PTS: variants seen among roughly 807,000 people sequenced by gnomAD.
PTS encodes 6-pyruvoyl tetrahydrobiopterin synthase.
PTS carries 23 observed loss-of-function variants against 20.6 expected under a neutral mutation model. The ratio of observed to expected loss-of-function variants is 1.12; its 90% CI spans 0.80 to 1.58. The LOEUF is 1.58. Ranked by LOEUF, PTS falls within the 40% of genes most tolerant of loss-of-function variation. PTS has a pLI of 0.00. For synonymous variants in PTS, 65 were observed against 62.5 expected (o/e 1.04, Z -0.19); for missense variants, 186 against 182.4 (o/e 1.02, Z -0.11).
intron 4 of PTS, 43 bp downstream of exon 4, chr11:112,230,725 G>T: frequency 6.6e-7 from 1 of 1,525,890 alleles, no homozygotes; most frequent in Non-Finnish European, 9.1e-7. Context: ...TTCCCTAACT[G>T]TAATATTTGG....
chr11:112,233,751 C>A lies in PTS; in HGVS notation c.*196C>A. 1 of 577,610 alleles carries A rather than the reference C, an allele frequency of 1.7e-6. No individual in the cohort carries two copies. Among genetic ancestry groups the A allele is most frequent in the Non-Finnish European group, 2.6e-6 (1 of 389,064 alleles). 35.8% of individuals were successfully genotyped at this position (577,610 alleles called of 1,614,324 possible). A position where few individuals can be genotyped will look rare whatever the true frequency, so the allele number is the denominator to read the frequency against. Reference sequence around the variant, plus strand: ...TAAAACTAAACTTGTAATATACATCCTGAAAATCATTTAGAGAGTCTTTTA... The same window carrying A: ...TAAAACTAAACTTGTAATATACATCATGAAAATCATTTAGAGAGTCTTTTA... On this transcript the variant is annotated 3_prime_UTR_variant, in exon 6 of 6. Transcript: ENST00000280362.
chr11:112,232,484 G>A (rs1169854913), intron 4 of PTS, among the ~76,000 whole-genome samples: 2 of 151,952 alleles, frequency 1.3e-5, no homozygotes, highest in East Asian at 3.9e-4. Flanking sequence ...TTCAAACTAC[G>A]TCCTATGGAA....
chr11:112,231,847 C>A (rs937955582), intron 4 of PTS, among the ~76,000 whole-genome samples: 2 of 100,972 alleles, frequency 2.0e-5, no homozygotes, highest in Non-Finnish European at 3.7e-5. Flanking sequence ...ATTTATGGGG[C>A]AGGGGTTGGG....
chr11:112,227,703 A>C (rs1859883389), intron 1 of PTS, among the ~76,000 whole-genome samples: 1 of 152,124 alleles, frequency 6.6e-6, no homozygotes, highest in South Asian at 2.1e-4. Context: ...CCCATTGACT[A>C]ATAGAGCGAG....
chr11:112,230,497 A>G (rs1859916410), intron 3 of PTS, 129 bp from the exon 4 acceptor site: 1 of 898,696 alleles, frequency 1.1e-6, no homozygotes, highest in African/African-American at 1.6e-5. Context: ...GTCAATGATT[A>G]TCTCTGGGAT....
At chr11:112,226,713 C>T (rs1859870561) in intron 1 of PTS, among the ~76,000 whole-genome samples, 187 bp downstream of exon 1, 1 of 151,814 alleles carries the variant, frequency 6.6e-6, no homozygotes, top group African/African-American at 2.4e-5. Context: ...GCTGGAGTGT[C>T]CCCAGCCCTG....
Position 112,226,516 on chromosome 11 carries a change from C to G in PTS, c.73C>G (p.Arg25Gly), listed in dbSNP as rs1167104933. 1 of 1,583,174 alleles carries G rather than the reference C, an allele frequency of 6.3e-7. No individual in the cohort carries two copies. Among genetic ancestry groups the G allele is most frequent in the East Asian group, 2.3e-5 (1 of 43,822 alleles). Residue 25 changes from arginine (R) to glycine (G), a missense_variant, in exon 1 of 6, where the codon CGA (arginine) becomes GGA (glycine). Transcript: ENST00000280362. ...SRRISFSASH[R>G]LYSKFLSDEE... ...CCGCATCTCCTTCAGCGCGAGCCAC[C>G]GATTGTACAGGTAGGGTGTGCACAC...
chr11:112,229,797 A>G (rs1320448304), intron 2 of PTS, among the ~76,000 whole-genome samples: 3 of 152,230 alleles, frequency 2.0e-5, no homozygotes, highest in African/African-American at 4.8e-5. Flanking sequence ...AAGGCCCAGT[A>G]GTATTGCTTG....
intron 4 of PTS, among the ~76,000 whole-genome samples, chr11:112,232,675 C>T (rs1001314754): frequency 3.9e-5 from 6 of 152,164 alleles, no homozygotes; most frequent in Admixed American, 2.6e-4. Context: ...AGCCCAAGAT[C>T]ATTCTTAAAT....
chr11:112,229,089 C>T (rs967417852), intron 2 of PTS: 23 of 189,016 alleles, frequency 1.2e-4, no homozygotes, highest in East Asian at 4.4e-4. Flanking sequence ...CAGCAGTGTT[C>T]GAAGAAAGTA....
intron 4 of PTS, among the ~76,000 whole-genome samples, chr11:112,232,510 T>C (rs76216253): frequency 3.3e-5 from 5 of 152,210 alleles, no homozygotes; most frequent in African/African-American, 7.2e-5. Context: ...CATTTTTTTT[T>C]CACAGATGCT....
rs564303854 is a variant in PTS, at chr11:112,230,395, CAA to C, written c.186+167_186+168del. The C allele has an allele frequency of 5.2e-5, 48 of 917,826 alleles. No individual in the cohort carries two copies. In the African/African-American group the frequency reaches 5.8e-4, roughly 11 times the overall value. The allele number at this position is 917,826 out of a possible 1,614,324, so 56.9% of individuals were successfully genotyped here. On this transcript the variant is annotated intron_variant, in intron 3 of 5. Transcript: ENST00000280362. Reference sequence around the variant, plus strand: ...CCGCCATTCCAGGCCTCTCCTCTACCAAAGTGTTGTCTTTAATATGCTGTATG... The same window carrying C: ...CCGCCATTCCAGGCCTCTCCTCTACCAGTGTTGTCTTTAATATGCTGTATG...
In PTS at chr11:112,233,673, G is replaced by A. The variant is rs1274886728; in HGVS notation, c.*118G>A. 3.4e-6 allele frequency: 5 copies of A among 1,462,844 alleles called. No homozygotes were observed. The highest frequency in any genetic ancestry group is 4.6e-6 in the Non-Finnish European group (5 of 1,088,590). The allele number at this position is 1,462,844 out of a possible 1,614,324, so 90.6% of individuals were successfully genotyped here. On this transcript the variant is annotated 3_prime_UTR_variant, in exon 6 of 6. Coordinates refer to ENST00000280362, the MANE Select transcript of PTS (RefSeq NM_000317.3). ...TGTTGTACGTACACATTGTGCTCTGGAGTGCCTATTTATTGAAATCATTGT... is the reference window on the plus strand; with the variant it reads ...TGTTGTACGTACACATTGTGCTCTGAAGTGCCTATTTATTGAAATCATTGT...
Position 112,233,092 on chromosome 11 carries a change from C to G in PTS, c.244-71C>G. On this transcript the variant is annotated intron_variant, in intron 4 of 5. Coordinates refer to ENST00000280362, the MANE Select transcript of PTS (RefSeq NM_000317.3). ...TAAGTGATAAGGTGAGGTTTAGAGG[C>G]ATAAGTGGAACAATTTGGAATTTGA... 3 of 1,372,272 alleles carry G rather than the reference C, an allele frequency of 2.2e-6. No individual in the cohort carries two copies. In the South Asian group the frequency reaches 3.5e-5, roughly 16 times the overall value. The allele number at this position is 1,372,272 out of a possible 1,614,324, so 85.0% of individuals were successfully genotyped here.
At chr11:112,230,953 C>T (rs1050859810) in intron 4 of PTS, among the ~76,000 whole-genome samples, 8 of 151,880 alleles carry the variant, frequency 5.3e-5, no homozygotes, top group Non-Finnish European at 1.0e-4. Context: ...ATCCTGATTT[C>T]CTTCAGTTAA....
chr11:112,233,455 A>G lies in PTS; in HGVS notation c.338A>G (p.Tyr113Cys), dbSNP rs762894736. 2.0e-5 allele frequency: 33 copies of G among 1,612,668 alleles called. No homozygotes were observed. The highest frequency in any genetic ancestry group is 5.0e-5 in the Admixed American group (3 of 59,930). The stretch of plus-strand genomic sequence containing the variant: ...AGCACGACTGAAAATGTAGCTGTTT[A>G]TATCTGGGACAACCTCCAGAAAGTT... ...VVSTTENVAVYIWDNLQKVLP... is the reference protein window; with the variant it reads ...VVSTTENVAVCIWDNLQKVLP... Residue 113 changes from tyrosine to cysteine, a missense_variant, in exon 6 of 6, where the codon TAT (tyrosine) becomes TGT (cysteine). Transcript: ENST00000280362.
Position 112,228,645 on chromosome 11 carries a change from T to C in PTS, c.135T>C (p.Asn45=). 6.2e-7 allele frequency: 1 copy of C among 1,609,810 alleles called. No homozygotes were observed. Among genetic ancestry groups the C allele is most frequent in the Non-Finnish European group, 8.5e-7 (1 of 1,178,782 alleles). Residue 45 remains asparagine, a synonymous_variant, in exon 2 of 6, where the codon AAT becomes AAC. Coordinates refer to ENST00000280362, the MANE Select transcript of PTS (RefSeq NM_000317.3). Reference sequence around the variant, plus strand: ...TGAAACTGTTTGGGAAATGCAACAATCCAAATGGCCATGGGCACAATTATA... The same window carrying C: ...TGAAACTGTTTGGGAAATGCAACAACCCAAATGGCCATGGGCACAATTATA... The part of the protein sequence containing the change: ...ENLKLFGKCN[N]PNGHGHNYKV...
Position 112,233,845 on chromosome 11 carries a change from A to C in PTS, c.*290A>C, listed in dbSNP as rs543375189. ...GTGGGATTATTTGAAAGCAAAAGAA[A>C]TCTAATTTTGTTTTCTCCATTACCT... On this transcript the variant is annotated 3_prime_UTR_variant, in exon 6 of 6. Transcript: ENST00000280362. 1 of 235,278 alleles carries C rather than the reference A, an allele frequency of 4.3e-6. No homozygotes were observed. The highest frequency in any genetic ancestry group is 8.1e-6 in the Non-Finnish European group (1 of 123,776). The allele number at this position is 235,278 out of a possible 1,614,324, so 14.6% of individuals were successfully genotyped here.
chr11:112,228,934 C>A (rs1378070932), intron 2 of PTS: 3 of 474,240 alleles, frequency 6.3e-6, no homozygotes, highest in African/African-American at 2.0e-5. Flanking sequence ...CTAGAGTACA[C>A]AACAAGTTTC....
Sources: allele counts gnomAD v4.1 joint callset (sites outside exome capture counted in the v4.1 genomes callset), GRCh38; gene constraint gnomAD v4.1.1; transcripts MANE v1.5; gene names NCBI Gene and HGNC (gene_info 2026-07-23, HGNC 2026-07-21).